Variants in PICALM observed in about 807,000 individuals in gnomAD.
The protein encoded by PICALM is phosphatidylinositol-binding clathrin assembly protein.
PICALM carries 40 observed loss-of-function variants against 80.5 expected under a neutral mutation model. The ratio of observed to expected loss-of-function variants is 0.50; its 90% CI spans 0.39 to 0.65. The LOEUF (loss-of-function observed/expected upper bound fraction) is 0.65. PICALM is among the 30% of genes least tolerant of loss of function. PICALM has a pLI of 0.00. For synonymous variants in PICALM, 288 were observed against 260.3 expected, an observed-to-expected ratio of 1.11 and a Z score of -1.02; for missense variants, 676 against 778.9, an observed-to-expected ratio of 0.87 and a Z score of 1.57.
At chr11:86,036,927 T>C (rs138700642) in intron 1 of PICALM, among the ~76,000 whole-genome samples, 19 of 108,710 alleles carry the variant, frequency 1.7e-4, no homozygotes, top group African/African-American at 3.3e-4. Flanking sequence ...CACAGGGAGA[T>C]CCTGTCTCAA....
At chr11:85,979,565 CA>C (rs1007452508) in intron 17 of PICALM, among the ~76,000 whole-genome samples, 1 of 151,092 alleles carries the variant, frequency 6.6e-6, no homozygotes. Flanking sequence ...AAAACAACAA[CA>C]AAAAAACACT....
intron 17 of PICALM, among the ~76,000 whole-genome samples, chr11:85,977,247 T>TATAG (rs1378223943): frequency 6.6e-6 from 1 of 152,224 alleles, no homozygotes; most frequent in Admixed American, 6.5e-5. Context: ...ATAGTTCTTA[T>TATAG]ATAGAGTATG....
intron 1 of PICALM, among the ~76,000 whole-genome samples, chr11:86,042,511 T>A (rs1208752775): frequency 6.6e-6 from 1 of 152,086 alleles, no homozygotes; most frequent in East Asian, 1.9e-4. Context: ...ATCTTAAATT[T>A]CACAATGACA....
intron 19 of PICALM, among the ~76,000 whole-genome samples, chr11:85,966,553 TACA>T (rs1404711521): frequency 1.3e-5 from 2 of 152,214 alleles, no homozygotes; most frequent in African/African-American, 4.8e-5. Context: ...GGCTCAAAGT[TACA>T]TAGAGAATTT....
At chr11:86,000,517 C>T (rs1592747216) in intron 11 of PICALM, 126 bp downstream of exon 11, 3 of 650,952 alleles carry the variant, frequency 4.6e-6, no homozygotes, top group Admixed American at 3.0e-5. Flanking sequence ...CACCATTTAT[C>T]GCCACCTCTT....
intron 19 of PICALM, among the ~76,000 whole-genome samples, chr11:85,969,250 G>C (rs1379400620): frequency 6.6e-6 from 1 of 152,156 alleles, no homozygotes; most frequent in Admixed American, 6.5e-5. Flanking sequence ...GAGAGGGCTA[G>C]AGCTCTCTCA....
chr11:85,977,492 A>G (rs2094318665), intron 17 of PICALM, among the ~76,000 whole-genome samples: 1 of 152,254 alleles, frequency 6.6e-6, no homozygotes, highest in African/African-American at 2.4e-5. Flanking sequence ...GAAATTGAAT[A>G]AAGGTGAAAG....
chr11:86,023,939 C>A (rs540964260), intron 3 of PICALM, among the ~76,000 whole-genome samples: 1 of 152,024 alleles, frequency 6.6e-6, no homozygotes, highest in Non-Finnish European at 1.5e-5. Context: ...ACCTGGTCAA[C>A]AGAGCAAGAG....
At chr11:85,978,190 CA>C (rs1359055470) in intron 17 of PICALM, 1 of 972,890 alleles carries the variant, frequency 1.0e-6, no homozygotes, top group Non-Finnish European at 1.7e-6. Context: ...TTTTAGTTCA[CA>C]TGTACATTCA....
chr11:86,022,217 C>T (rs1005055346), intron 4 of PICALM, 150 bp downstream of exon 4: 2 of 494,224 alleles, frequency 4.0e-6, no homozygotes, highest in Admixed American at 4.2e-5. Flanking sequence ...CAAATCCTAC[C>T]ACAAAAAGTA....
intron 2 of PICALM, among the ~76,000 whole-genome samples, chr11:86,030,086 T>C (rs1443418791): frequency 6.6e-6 from 1 of 152,180 alleles, no homozygotes; most frequent in Non-Finnish European, 1.5e-5. Context: ...TTGTGAACTA[T>C]ACGATCAATT....
chr11:86,018,249 G>A (rs1348810227), intron 4 of PICALM, among the ~76,000 whole-genome samples: 2 of 152,048 alleles, frequency 1.3e-5, no homozygotes, highest in Non-Finnish European at 2.9e-5. Context: ...AAACAAGTAT[G>A]GCATTCAAAA....
chr11:86,061,067 G>A (rs767764818), intron 1 of PICALM, among the ~76,000 whole-genome samples: 2 of 152,136 alleles, frequency 1.3e-5, no homozygotes, highest in Non-Finnish European at 2.9e-5. Context: ...AGTGGCTCAT[G>A]CCTGTAATCC....
In PICALM at chr11:85,981,993, T is replaced by C; in HGVS notation, c.1527A>G (p.Glu509=). The C allele has an allele frequency of 6.2e-7, 1 of 1,613,506 alleles. No homozygotes were observed. The highest frequency in any genetic ancestry group is 1.1e-5 in the South Asian group (1 of 91,076). Residue 509 remains glutamate, a synonymous_variant, in exon 15 of 20, where the codon GAA becomes GAG. Transcript: ENST00000393346. ...CTGTTGGTTTGAGAAGTCCACCTAG[T>C]TCATCAAAGCCTTAAAGTTACAAAC... ...NVIVDSGGFD[E]LGGLLKPTVA...
At chr11:85,960,757 G>A (rs1403503637) in intron 19 of PICALM, 3 of 1,305,200 alleles carry the variant, frequency 2.3e-6, no homozygotes, top group Non-Finnish European at 3.0e-6. Context: ...TGTGACTGGA[G>A]GGGCTGGATG....
intron 13 of PICALM, among the ~76,000 whole-genome samples, chr11:85,988,931 A>AC (rs2094674196): frequency 6.6e-6 from 1 of 152,238 alleles, no homozygotes; most frequent in South Asian, 2.1e-4. Context: ...CGTGTCCTCT[A>AC]ATGTGTGGTT....
intron 1 of PICALM, 147 bp downstream of exon 1, chr11:86,068,504 C>T (rs1346161504): frequency 2.8e-6 from 2 of 707,920 alleles, no homozygotes; most frequent in East Asian, 5.7e-5. Context: ...CAAAAGAACA[C>T]AGCTCAACGG....
intron 1 of PICALM, among the ~76,000 whole-genome samples, chr11:86,061,526 T>C (rs1319224832): frequency 6.6e-6 from 1 of 151,892 alleles, no homozygotes; most frequent in Non-Finnish European, 1.5e-5. Context: ...AAAAGTCACA[T>C]AATCAGGAAA....
chr11:85,964,552 A>T (rs150892552), intron 19 of PICALM, among the ~76,000 whole-genome samples: 1 of 152,228 alleles, frequency 6.6e-6, no homozygotes, highest in African/African-American at 2.4e-5. Context: ...TGCCTGGCAT[A>T]TATTAAGTAG....
Sources: gnomAD v4.1 joint callset for allele counts (sites outside exome capture counted in the v4.1 genomes callset) on GRCh38, gnomAD v4.1.1 for gene constraint, MANE v1.5 for transcripts, NCBI Gene and HGNC (gene_info 2026-07-23, HGNC 2026-07-21) for gene names.